Variants in SRPK1 observed in about 807,000 individuals in gnomAD.
The protein encoded by SRPK1 is SRSF protein kinase 1.
SRPK1 carries 52 observed loss-of-function variants against 89.5 expected under a neutral mutation model. That is an observed-to-expected ratio of 0.58 (90% CI 0.46 to 0.73). The LOEUF (loss-of-function observed/expected upper bound fraction) is 0.73, where lower values mean the gene tolerates loss of function less well. Ranked by LOEUF, SRPK1 falls within the 30% of genes least tolerant of loss-of-function variation. The pLI, the probability that SRPK1 is intolerant of heterozygous loss-of-function variation, is 0.00. For missense variants in SRPK1, 603 were observed against 780.6 expected (o/e 0.77, Z 2.71); for synonymous variants, 255 against 270.2 (o/e 0.94, Z 0.55).
chr6:35,869,039 T>C lies in SRPK1; in HGVS notation c.1483A>G (p.Ile495Val). The C allele has an allele frequency of 6.2e-7, 1 of 1,614,096 alleles. No homozygotes were observed. Residue 495 changes from isoleucine (I) to valine (V), a missense_variant, in exon 12 of 16, where the codon ATT becomes GTT. By Grantham distance (29) the Ile-to-Val change is conservative. Transcript: ENST00000373825. Reference sequence around the variant, plus strand: ...CAACAAGCATTTCCAAGGTCAGCAATCTTCACCTTGAGCTTTTCTGCATTT... The same window carrying C: ...CAACAAGCATTTCCAAGGTCAGCAACCTTCACCTTGAGCTTTTCTGCATTT... Reference protein sequence around the residue: ...PKNAEKLKVKIADLGNACWVH... With the variant: ...PKNAEKLKVKVADLGNACWVH...
intron 2 of SRPK1, among the ~76,000 whole-genome samples, chr6:35,903,996 G>C (rs747834344): frequency 2.0e-5 from 3 of 150,842 alleles, no homozygotes; most frequent in Non-Finnish European, 4.4e-5. Flanking sequence ...TAAAGACAGG[G>C]TCCCACTGAA....
At position 35,887,164 on chromosome 6, in the gene SRPK1, A is replaced by AT. The variant is rs796728645; in HGVS notation, c.391-354dup. Among the ~76,000 whole-genome samples, 109 of 150,196 alleles carry AT rather than the reference A, an allele frequency of 7.3e-4. 2 individuals are homozygous for AT. In the South Asian group the frequency reaches 0.014, roughly 20 times the overall value. On this transcript the variant is annotated intron_variant, in intron 5 of 15. Transcript: ENST00000373825. The stretch of plus-strand genomic sequence containing the variant: ...AACCACACTGTTTTTTTCAGCGGAC[A>AT]TTTTTTTTTTCATGGAAAAACTTTC...
chr6:35,915,995 T>TACACACACAC (rs1353733748), intron 2 of SRPK1, among the ~76,000 whole-genome samples: 4 of 54,660 alleles, frequency 7.3e-5, no homozygotes, highest in Non-Finnish European at 1.3e-4. Context: ...AAAAAAAATA[T>TACACACACAC]ATACACACAC....
At chr6:35,912,562 T>G (rs1254258592) in intron 2 of SRPK1, among the ~76,000 whole-genome samples, 2 of 152,134 alleles carry the variant, frequency 1.3e-5, no homozygotes, top group Non-Finnish European at 2.9e-5. Flanking sequence ...AACAAAAACT[T>G]TGTGTGACTC....
chr6:35,838,815 A>C, intron 14 of SRPK1: 1 of 1,369,634 alleles, frequency 7.3e-7, no homozygotes, highest in Non-Finnish European at 9.8e-7. Flanking sequence ...TAGAAGGGTA[A>C]GAAGAACAGA....
At chr6:35,910,405 T>C (rs950502371) in intron 2 of SRPK1, among the ~76,000 whole-genome samples, 2 of 152,100 alleles carry the variant, frequency 1.3e-5, no homozygotes, top group Admixed American at 6.5e-5. Flanking sequence ...ATGAAGTTTG[T>C]GAGAGGTGAG....
chr6:35,856,530 T>G (rs186016116), intron 13 of SRPK1, among the ~76,000 whole-genome samples: 2 of 152,190 alleles, frequency 1.3e-5, no homozygotes, highest in Admixed American at 6.5e-5. Flanking sequence ...TCTGGGTAGT[T>G]AGCATCAGAA....
At chr6:35,878,234 A>AG (rs760696369) in intron 6 of SRPK1, among the ~76,000 whole-genome samples, 72 of 152,230 alleles carry the variant, frequency 4.7e-4, no homozygotes, top group Non-Finnish European at 7.3e-4. Flanking sequence ...GGCTTCTTAG[A>AG]GAAAAACTGA....
Position 35,869,569 on chromosome 6 carries a change from T to G in SRPK1, c.1324A>C (p.Ile442Leu). The change falls in exon 11 of 16, where the codon ATT becomes CTT. Residue 442 changes from isoleucine (I) to leucine (L), a missense_variant. Ile to Leu is a conservative substitution (Grantham distance 5, BLOSUM62 2). Coordinates refer to ENST00000373825, the MANE Select transcript of SRPK1 (RefSeq NM_003137.5). The stretch of plus-strand genomic sequence containing the variant: ...CGAATGCTTTCTTGAAGTTGGCTAA[T>G]GTGTTGTTCACTGAATGACTGACCT... Reference protein sequence around the residue: ...TVGQSFSEQHISQLQESIRAE... With the variant: ...TVGQSFSEQHLSQLQESIRAE... 6.2e-7 allele frequency: 1 copy of G among 1,613,992 alleles called. No individual in the cohort carries two copies. The highest frequency in any genetic ancestry group is 8.5e-7 in the Non-Finnish European group (1 of 1,179,880).
At chr6:35,889,817 G>A (rs571942571) in intron 3 of SRPK1, among the ~76,000 whole-genome samples, 4 of 148,076 alleles carry the variant, frequency 2.7e-5, no homozygotes, top group South Asian at 2.2e-4. Flanking sequence ...AACAAAAAAC[G>A]GCAAGGCGCG....
At chr6:35,845,332 T>G (rs892865603) in intron 13 of SRPK1, among the ~76,000 whole-genome samples, 3 of 152,148 alleles carry the variant, frequency 2.0e-5, no homozygotes, top group Admixed American at 1.3e-4. Context: ...AGATCGACAG[T>G]TGGGGAGGCT....
chr6:35,870,703 A>G (rs545559350), intron 9 of SRPK1, among the ~76,000 whole-genome samples: 1 of 152,322 alleles, frequency 6.6e-6, no homozygotes, highest in African/African-American at 2.4e-5. Flanking sequence ...TGGTCTTCTG[A>G]GCAGTCCGTG....
At chr6:35,890,509 T>G (rs567309872) in intron 3 of SRPK1, among the ~76,000 whole-genome samples, 1 of 152,342 alleles carries the variant, frequency 6.6e-6, no homozygotes, top group Admixed American at 6.5e-5. Flanking sequence ...CATTCCAGTT[T>G]AACTTAACAG....
intron 8 of SRPK1, among the ~76,000 whole-genome samples, chr6:35,872,042 G>A (rs960661181): frequency 1.1e-4 from 16 of 152,052 alleles, no homozygotes; most frequent in East Asian, 3.9e-4. Flanking sequence ...GCCTGGTCCC[G>A]CAATTTATTT....
chr6:35,881,230 A>G (rs879389125), intron 6 of SRPK1, among the ~76,000 whole-genome samples: 39 of 152,208 alleles, frequency 2.6e-4, no homozygotes, highest in Admixed American at 2.5e-3. Context: ...CTAAACAATA[A>G]CACAAAGCCA....
rs1268277055 is a variant in SRPK1 at position 35,872,689 on chromosome 6, T to C, written c.625A>G (p.Ile209Val). 1.9e-6 allele frequency: 3 copies of C among 1,610,162 alleles called. No individual in the cohort carries two copies. The highest frequency in any genetic ancestry group is 2.7e-5 in the African/African-American group (2 of 74,798). The change falls in exon 8 of 16, where the codon ATC becomes GTC. Residue 209 changes from isoleucine (I) to valine (V), a missense_variant. By Grantham distance (29) the Ile-to-Val change is conservative. Transcript: ENST00000373825. ...GLDYLHTKCR[I>V]IHTDIKPENI... ...TCTGGTTTAATGTCAGTGTGGATGA[T>C]ACGGCACTTGGTATGTAAATAATCA... is the stretch of plus-strand genomic sequence containing the variant.
At chr6:35,860,752 GAA>G (rs1161652940) in intron 12 of SRPK1, among the ~76,000 whole-genome samples, 1 of 151,288 alleles carries the variant, frequency 6.6e-6, no homozygotes, top group East Asian at 1.9e-4. Flanking sequence ...GTGTTGTGGA[GAA>G]AAAAAAAGTT....
At chr6:35,883,737 A>T (rs991510072) in intron 6 of SRPK1, among the ~76,000 whole-genome samples, 3 of 143,380 alleles carry the variant, frequency 2.1e-5, no homozygotes, top group South Asian at 2.2e-4. Context: ...TCACAAGGTT[A>T]TTTTTTTTTT....
chr6:35,832,989 C>T lies in SRPK1; in HGVS notation c.*2315G>A, dbSNP rs1003920872. ...AATCTTTTCCTCCTTTTACTCAGGG[C>T]AGAGCAATTTGGACAACAAATGAAC... On this transcript the variant is annotated 3_prime_UTR_variant, in exon 16 of 16. Coordinates refer to ENST00000373825, the MANE Select transcript of SRPK1 (RefSeq NM_003137.5). 6 of 152,560 alleles carry T rather than the reference C, an allele frequency of 3.9e-5. No homozygotes were observed. The highest frequency in any genetic ancestry group is 1.4e-4 in the African/African-American group (6 of 41,432). The allele number at this position is 152,560 out of a possible 1,614,324, so 9.5% of individuals were successfully genotyped here.
Sources: allele counts gnomAD v4.1 joint callset (sites outside exome capture counted in the v4.1 genomes callset), GRCh38; gene constraint gnomAD v4.1.1; transcripts MANE v1.5; gene names NCBI Gene and HGNC (gene_info 2026-07-23, HGNC 2026-07-21).